RFX4: variants seen among roughly 807,000 people sequenced by gnomAD.
The protein encoded by RFX4 is regulatory factor X4.
Under a neutral mutation model 95.0 loss-of-function variants are expected in RFX4, and 10 were observed. That is an observed-to-expected ratio of 0.11 (90% confidence interval 0.06 to 0.18). The LOEUF (loss-of-function observed/expected upper bound fraction) is 0.18, where lower values mean the gene tolerates loss of function less well. Among genes scored for constraint, RFX4 ranks in the 10% least tolerant of loss-of-function variants. The pLI is 1.00. For missense variants in RFX4, 640 were observed against 922.0 expected (o/e 0.69, Z 3.96); for synonymous variants, 321 against 340.7 (o/e 0.94, Z 0.64).
chr12:106,684,982 CTTCCCATAA>C (rs542538960), intron 5 of RFX4: 62 of 1,594,338 alleles, frequency 3.9e-5, no homozygotes, highest in Non-Finnish European at 5.2e-5. Flanking sequence ...CGCAAAAGCC[CTTCCCATAA>C]TTCAAAATGC....
intron 17 of RFX4, among the ~76,000 whole-genome samples, chr12:106,758,036 T>C (rs1365247421): frequency 6.6e-6 from 1 of 152,202 alleles, no homozygotes; most frequent in African/African-American, 2.4e-5. Flanking sequence ...CAACAGCATA[T>C]GATTTGATCC....
At chr12:106,616,265 G>C (rs540261427) in intron 2 of RFX4, among the ~76,000 whole-genome samples, 1 of 152,146 alleles carries the variant, frequency 6.6e-6, no homozygotes, top group Non-Finnish European at 1.5e-5. Flanking sequence ...TACATCGGTT[G>C]AATTTTGAAT....
At chr12:106,622,105 C>T (rs941299370) in intron 2 of RFX4, among the ~76,000 whole-genome samples, 2 of 152,122 alleles carry the variant, frequency 1.3e-5, no homozygotes, top group African/African-American at 4.8e-5. Context: ...TAAGCTTATA[C>T]AAGAAGTCAA....
chr12:106,703,783 G>A (rs1231238629), intron 8 of RFX4, among the ~76,000 whole-genome samples: 3 of 152,008 alleles, frequency 2.0e-5, no homozygotes, highest in Admixed American at 1.3e-4. Context: ...GCTGAAATGA[G>A]GGCCAGGCAT....
At chr12:106,753,202 C>T (rs2043041840) in intron 17 of RFX4, among the ~76,000 whole-genome samples, 1 of 152,132 alleles carries the variant, frequency 6.6e-6, no homozygotes, top group Non-Finnish European at 1.5e-5. Flanking sequence ...CAAACTCCCT[C>T]CCTCCCCGCA....
chr12:106,601,249 G>A (rs1217417685), intron 1 of RFX4: 8 of 1,567,180 alleles, frequency 5.1e-6, no homozygotes, highest in Non-Finnish European at 6.9e-6. Context: ...AGGGAGCCAG[G>A]AGAGAGACAG....
At chr12:106,655,363 A>G (rs1035020544) in intron 4 of RFX4, among the ~76,000 whole-genome samples, 2 of 152,224 alleles carry the variant, frequency 1.3e-5, no homozygotes, top group South Asian at 2.1e-4. Flanking sequence ...TTTAAAAGTC[A>G]GTGGAGAAAC....
intron 15 of RFX4, among the ~76,000 whole-genome samples, chr12:106,745,795 G>A (rs2042880558): frequency 6.6e-6 from 1 of 152,126 alleles, no homozygotes; most frequent in African/African-American, 2.4e-5. Flanking sequence ...CCTAAAGGGG[G>A]ATGTTGAATC....
intron 13 of RFX4, among the ~76,000 whole-genome samples, chr12:106,729,230 T>C (rs1304920429): frequency 6.6e-6 from 1 of 152,204 alleles, no homozygotes; most frequent in East Asian, 1.9e-4. Flanking sequence ...TTTCTCTCTT[T>C]CTATCCATGT....
At chr12:106,682,152 C>A in intron 5 of RFX4, 98 bp downstream of exon 5, 3 of 1,263,756 alleles carry the variant, frequency 2.4e-6, no homozygotes, top group Middle Eastern at 1.9e-4. Flanking sequence ...TGTCTGCAGG[C>A]CTGGCAGAAG....
Position 106,583,234 on chromosome 12 carries a change from C to A in RFX4, c.-87C>A. 8.8e-7 allele frequency: 1 copy of A among 1,141,210 alleles called. No individual in the cohort carries two copies. Among genetic ancestry groups the A allele is most frequent in the Non-Finnish European group, 1.2e-6 (1 of 812,710 alleles). 70.7% of individuals were successfully genotyped at this position (1,141,210 alleles called of 1,614,324 possible). On this transcript the variant is annotated 5_prime_UTR_variant, in exon 1 of 18. Transcript: ENST00000392842. ...TCTCTCTCCCCTTCTCCCTCCCTCC[C>A]TCCCTTCCTCCCTGGGCATCTCTAG...
intron 5 of RFX4, chr12:106,683,635 A>G (rs908067042): frequency 2.0e-5 from 3 of 152,184 alleles, no homozygotes; most frequent in Admixed American, 6.5e-5. Context: ...AATGTTGGTC[A>G]AACAGAAGAG....
chr12:106,584,034 G>A (rs1420091053), intron 1 of RFX4, among the ~76,000 whole-genome samples: 1 of 152,222 alleles, frequency 6.6e-6, no homozygotes, highest in East Asian at 1.9e-4. Flanking sequence ...GACCTTGCTG[G>A]AGGGAGGGCA....
chr12:106,669,839 G>GTGT (rs1565972599), intron 4 of RFX4, among the ~76,000 whole-genome samples: 7,647 of 143,148 alleles, frequency 0.053, 281 homozygotes, highest in Middle Eastern at 0.074. Context: ...TTTTTCTAGG[G>GTGT]GTGTGTGTGT....
At chr12:106,692,810 C>T (rs2041809392) in intron 7 of RFX4, among the ~76,000 whole-genome samples, 2 of 152,344 alleles carry the variant, frequency 1.3e-5, no homozygotes, top group South Asian at 4.1e-4. Flanking sequence ...AAGCATTTTA[C>T]ATAAGCTATC....
chr12:106,613,645 T>G (rs1392527702), intron 2 of RFX4, among the ~76,000 whole-genome samples: 2 of 152,198 alleles, frequency 1.3e-5, no homozygotes, highest in East Asian at 3.9e-4. Context: ...ATTATAGGTG[T>G]GAGCCACCAC....
chr12:106,635,601 C>T (rs1484117787), intron 2 of RFX4, among the ~76,000 whole-genome samples: 2 of 152,156 alleles, frequency 1.3e-5, no homozygotes, highest in Admixed American at 6.5e-5. Context: ...GGGTGAGCTA[C>T]CATGCCCGGT....
chr12:106,682,105 G>A lies in RFX4; in HGVS notation c.377+51G>A, dbSNP rs768034498. The A allele has an allele frequency of 2.2e-5, 34 of 1,577,524 alleles. No homozygotes were observed. In the East Asian group the frequency reaches 2.5e-4, roughly 11 times the overall value. On this transcript the variant is annotated intron_variant, in intron 5 of 17. Coordinates refer to ENST00000392842, the MANE Select transcript of RFX4 (RefSeq NM_213594.3). ...TGCAGAGCGCACATCTATGGGCCTCGAGACAGGCCACACCCTTGGCTCTTT... is the reference window on the plus strand; with the variant it reads ...TGCAGAGCGCACATCTATGGGCCTCAAGACAGGCCACACCCTTGGCTCTTT...
At chr12:106,619,035 C>T (rs2040128093) in intron 2 of RFX4, among the ~76,000 whole-genome samples, 1 of 151,858 alleles carries the variant, frequency 6.6e-6, no homozygotes, top group South Asian at 2.1e-4. Flanking sequence ...CACATTTTAA[C>T]CTCATTTTCC....
Sources: gnomAD v4.1 joint callset for allele counts (sites outside exome capture counted in the v4.1 genomes callset) on GRCh38, gnomAD v4.1.1 for gene constraint, MANE v1.5 for transcripts, NCBI Gene and HGNC (gene_info 2026-07-23, HGNC 2026-07-21) for gene names.